The following PRKCE variants were observed in gnomAD, a reference collection of about 807,000 sequenced individuals.
The protein encoded by PRKCE is protein kinase C epsilon type.
In PRKCE, 16 loss-of-function variants were observed where a neutral mutation model predicts 85.4. That is an observed-to-expected ratio of 0.19 (90% CI 0.13 to 0.28). PRKCE has a LOEUF of 0.28. Among genes scored for constraint, PRKCE ranks in the 10% least tolerant of loss-of-function variants. The pLI is 1.00. For synonymous variants in PRKCE, 388 were observed against 371.5 expected (o/e 1.04, Z -0.51); for missense variants, 573 against 975.2 (o/e 0.59, Z 5.49).
intron 1 of PRKCE, among the ~76,000 whole-genome samples, chr2:45,781,738 G>C (rs954106173): frequency 1.3e-5 from 2 of 152,030 alleles, no homozygotes; most frequent in African/African-American, 4.8e-5. Flanking sequence ...TTTTCTTTAG[G>C]CTTTCAGAAA....
At chr2:45,920,695 A>C (rs1698186774) in intron 2 of PRKCE, among the ~76,000 whole-genome samples, 1 of 152,208 alleles carries the variant, frequency 6.6e-6, no homozygotes, top group Non-Finnish European at 1.5e-5. Context: ...CCATGGAGAC[A>C]GAAAGTAGAC....
chr2:45,761,071 T>G (rs556778317), intron 1 of PRKCE, among the ~76,000 whole-genome samples: 1 of 152,280 alleles, frequency 6.6e-6, no homozygotes, highest in East Asian at 1.9e-4. Context: ...CTCACGCCTG[T>G]AATCCCAGCA....
intron 2 of PRKCE, among the ~76,000 whole-genome samples, chr2:45,850,250 G>C (rs1026432639): frequency 6.6e-6 from 1 of 152,202 alleles, no homozygotes; most frequent in African/African-American, 2.4e-5. Context: ...TGGTGTGCCT[G>C]TCTTACCAAT....
intron 1 of PRKCE, among the ~76,000 whole-genome samples, chr2:45,680,116 C>T (rs1003333587): frequency 2.6e-5 from 4 of 152,170 alleles, no homozygotes; most frequent in African/African-American, 9.7e-5. Context: ...TTGAGGCTAC[C>T]ATTCACAGAC....
At chr2:45,955,740 T>C (rs1700929619) in intron 2 of PRKCE, among the ~76,000 whole-genome samples, 1 of 152,200 alleles carries the variant, frequency 6.6e-6, no homozygotes, top group Non-Finnish European at 1.5e-5. Context: ...GTATCTTTAG[T>C]AGCTCCTGAC....
At position 45,907,227 on chromosome 2, in the gene PRKCE, T is replaced by C. The variant is rs1697047798; in HGVS notation, c.412+64164T>C. ...ATGAAGCTTTAACTATCACAGAGCA[T>C]CTGACTGAGAATAAAAAGATTTTAA... On this transcript the variant is annotated intron_variant, in intron 2 of 14. Coordinates refer to ENST00000306156, the MANE Select transcript of PRKCE (RefSeq NM_005400.3). This position sits in a 1 kb window ranked among gnomAD's most constrained non-coding sequence, Gnocchi z 4.5. Among the ~76,000 whole-genome samples the C allele has an allele frequency of 6.6e-6, 1 of 152,152 alleles. No individual in the cohort carries two copies. The highest frequency in any genetic ancestry group is 1.5e-5 in the Non-Finnish European group (1 of 68,026).
At chr2:45,765,241 A>T (rs1355332961) in intron 1 of PRKCE, among the ~76,000 whole-genome samples, 2 of 152,238 alleles carry the variant, frequency 1.3e-5, no homozygotes, top group African/African-American at 4.8e-5. Flanking sequence ...TGTTTTTTAT[A>T]AGAAGCAGCC....
intron 13 of PRKCE, among the ~76,000 whole-genome samples, chr2:46,157,216 A>G (rs1458400813): frequency 6.6e-6 from 1 of 152,148 alleles, no homozygotes; most frequent in African/African-American, 2.4e-5. Context: ...TCAGATGAGT[A>G]ACTAAAGGAA....
At chr2:45,764,789 T>C (rs4953248) in intron 1 of PRKCE, among the ~76,000 whole-genome samples, 85,889 of 152,102 alleles carry the variant, frequency 0.56, 27,034 homozygotes, top group East Asian at 0.81. Flanking sequence ...TGCCATTCAT[T>C]CTGCTGCAAA....
chr2:45,806,882 C>T (rs757969301), intron 1 of PRKCE, among the ~76,000 whole-genome samples: 5 of 152,086 alleles, frequency 3.3e-5, no homozygotes, highest in South Asian at 2.1e-4. Flanking sequence ...AGGTAGGGTC[C>T]GGGCTTGCTG....
intron 1 of PRKCE, among the ~76,000 whole-genome samples, chr2:45,806,719 C>T (rs1415958214): frequency 6.6e-6 from 1 of 152,172 alleles, no homozygotes; most frequent in Non-Finnish European, 1.5e-5. Flanking sequence ...ACTTAGGTCG[C>T]TGGATTCTTT....
intron 1 of PRKCE, among the ~76,000 whole-genome samples, chr2:45,827,596 T>C (rs974944430): frequency 1.3e-5 from 2 of 152,238 alleles, no homozygotes; most frequent in African/African-American, 2.4e-5. Flanking sequence ...CGTGCTTCCA[T>C]ATATAATTTG....
intron 1 of PRKCE, among the ~76,000 whole-genome samples, chr2:45,842,164 C>T (rs184681114): frequency 6.6e-6 from 1 of 152,342 alleles, no homozygotes; most frequent in African/African-American, 2.4e-5. Flanking sequence ...GCTTTTGTCT[C>T]ACCCAATTAT....
chr2:45,842,387 T>G (rs534851309), intron 1 of PRKCE, among the ~76,000 whole-genome samples: 6 of 152,318 alleles, frequency 3.9e-5, no homozygotes, highest in African/African-American at 1.4e-4. Context: ...TTCCCCATTT[T>G]TTAACTCCAC....
intron 10 of PRKCE, among the ~76,000 whole-genome samples, chr2:46,082,265 A>C (rs1553340656): frequency 6.6e-6 from 1 of 152,130 alleles, no homozygotes; most frequent in Non-Finnish European, 1.5e-5. Context: ...TTGGGCCATA[A>C]TGGTGGGCAT....
Position 45,905,314 on chromosome 2 carries a change from T to C in PRKCE, c.412+62251T>C, listed in dbSNP as rs761308297. Among the ~76,000 whole-genome samples the C allele has an allele frequency of 7.9e-5, 12 of 152,132 alleles. No homozygotes were observed. Among genetic ancestry groups the C allele is most frequent in the Non-Finnish European group, 1.2e-4 (8 of 68,024 alleles). On this transcript the variant is annotated intron_variant, in intron 2 of 14. Transcript: ENST00000306156. This position sits in a 1 kb window ranked among gnomAD's most constrained non-coding sequence, Gnocchi z 4.4. ...AGGGAAGCTCCAAAAAAAAAGTAAC[T>C]CAGAGGTCAAGGTGAACCCTGAATG...
chr2:46,022,735 T>A (rs930737146), intron 10 of PRKCE, among the ~76,000 whole-genome samples: 1 of 152,258 alleles, frequency 6.6e-6, no homozygotes, highest in African/African-American at 2.4e-5. Context: ...CAGCATAGTT[T>A]CTAGCACACA....
At chr2:45,728,941 C>T (rs1681323367) in intron 1 of PRKCE, among the ~76,000 whole-genome samples, 1 of 152,146 alleles carries the variant, frequency 6.6e-6, no homozygotes, top group East Asian at 1.9e-4. Context: ...GGCACTGGCT[C>T]CTAACTGGTA....
chr2:46,138,390 C>T lies in PRKCE; in HGVS notation c.1593-6703C>T, dbSNP rs1399082553. Reference sequence around the variant, plus strand: ...TCAGCCCACGCTGCCTCTTACCAGCCATGTGACCTCAGACAAGTTACCTTT... The same window carrying T: ...TCAGCCCACGCTGCCTCTTACCAGCTATGTGACCTCAGACAAGTTACCTTT... On this transcript the variant is annotated intron_variant, in intron 11 of 14. Coordinates refer to ENST00000306156, the MANE Select transcript of PRKCE (RefSeq NM_005400.3). This position sits in a 1 kb window ranked among gnomAD's most constrained non-coding sequence, Gnocchi z 4.2. Among the ~76,000 whole-genome samples the T allele has an allele frequency of 6.6e-6, 1 of 152,226 alleles. No homozygotes were observed. The highest frequency in any genetic ancestry group is 1.5e-5 in the Non-Finnish European group (1 of 68,046).
Sources: gnomAD v4.1 joint callset for allele counts (sites outside exome capture counted in the v4.1 genomes callset) on GRCh38, gnomAD v4.1.1 for gene constraint, Gnocchi (gnomAD v3.1) non-coding constraint, MANE v1.5 for transcripts, NCBI Gene and HGNC (gene_info 2026-07-23, HGNC 2026-07-21) for gene names.